Variants in BCAS3 observed in about 807,000 individuals in gnomAD.
BCAS3 encodes the protein BCAS4/BCAS3 fusion.
In BCAS3, 53 loss-of-function variants were observed where a neutral mutation model predicts 116.1. The ratio of observed to expected loss-of-function variants is 0.46; its 90% CI spans 0.37 to 0.57. BCAS3 has a LOEUF of 0.57. Among genes scored for constraint, BCAS3 ranks in the 20% least tolerant of loss-of-function variants. BCAS3 has a pLI of 0.00. For missense variants in BCAS3, 917 were observed against 1,165.4 expected (o/e 0.79, Z 3.10); for synonymous variants, 391 against 408.2 (o/e 0.96, Z 0.51).
Position 61,229,240 on chromosome 17 carries a change from A to G in BCAS3, c.2426-139087A>G, listed in dbSNP as rs900029133. Among the ~76,000 whole-genome samples the G allele has an allele frequency of 6.6e-6, 1 of 152,230 alleles. No individual in the cohort carries two copies. Among genetic ancestry groups the G allele is most frequent in the African/African-American group, 2.4e-5 (1 of 41,466 alleles). On this transcript the variant is annotated intron_variant, in intron 22 of 23. Coordinates refer to ENST00000407086, the MANE Select transcript of BCAS3 (RefSeq NM_017679.5). The surrounding 1 kb of genome is among the most constrained non-coding windows in gnomAD (Gnocchi z 4.4). ...GCAAGGCCCTACCTCTTTCAATTCT[A>G]TGAAGCTGAGAGAGGTGAGGAAGCT...
chr17:61,144,335 G>A lies in BCAS3; in HGVS notation c.2425+59771G>A, dbSNP rs1412259144. 6.6e-6 allele frequency among the ~76,000 whole-genome samples: 1 copy of A among 152,174 alleles called. No individual in the cohort carries two copies. The highest frequency in any genetic ancestry group is 1.5e-5 in the Non-Finnish European group (1 of 68,036). On this transcript the variant is annotated intron_variant, in intron 22 of 23. Transcript: ENST00000407086. The surrounding 1 kb of genome is among the most constrained non-coding windows in gnomAD (Gnocchi z 5.0). ...TCTCCTCCGAGTCTTCTACGTGTAT[G>A]TCTAGATACTATGACAGATCCAGTG... is the stretch of plus-strand genomic sequence containing the variant.
chr17:60,965,222 T>C (rs1322630752), intron 14 of BCAS3, among the ~76,000 whole-genome samples: 1 of 151,158 alleles, frequency 6.6e-6, no homozygotes, highest in Non-Finnish European at 1.5e-5. Context: ...TTTTGGTATA[T>C]TGAATTTTTT....
rs764818285 is a variant in BCAS3, at chr17:61,140,948, T to C, written c.2425+56384T>C. Among the ~76,000 whole-genome samples, 1 of 152,106 alleles carries C rather than the reference T, an allele frequency of 6.6e-6. No homozygotes were observed. The highest frequency in any genetic ancestry group is 1.5e-5 in the Non-Finnish European group (1 of 68,006). On this transcript the variant is annotated intron_variant, in intron 22 of 23. Coordinates refer to ENST00000407086, the MANE Select transcript of BCAS3 (RefSeq NM_017679.5). This position sits in a 1 kb window ranked among gnomAD's most constrained non-coding sequence, Gnocchi z 4.2. Reference sequence around the variant, plus strand: ...TGCTCTTTGTCCATTTGAGTGTTTTTTTTTTCCCCCAAAAGTATAATAGTG... The same window carrying C: ...TGCTCTTTGTCCATTTGAGTGTTTTCTTTTTCCCCCAAAAGTATAATAGTG...
intron 6 of BCAS3, among the ~76,000 whole-genome samples, chr17:60,771,431 A>G (rs534759416): frequency 4.6e-5 from 7 of 152,356 alleles, no homozygotes; most frequent in African/African-American, 1.4e-4. Flanking sequence ...AAAGACAGCA[A>G]TAGTCTACTT....
rs2055468806 is a variant in BCAS3 at position 61,323,330 on chromosome 17, G to A, written c.2426-44997G>A. 6.6e-6 allele frequency among the ~76,000 whole-genome samples: 1 copy of A among 152,114 alleles called. No homozygotes were observed. Among genetic ancestry groups the A allele is most frequent in the Admixed American group, 6.5e-5 (1 of 15,274 alleles). ...CACTGGTTGAATATGAATTTATGTG[G>A]AGCACTCAGCTACAACATGGAAATA... is the stretch of plus-strand genomic sequence containing the variant. On this transcript the variant is annotated intron_variant, in intron 22 of 23. Transcript: ENST00000407086. The surrounding 1 kb of genome is among the most constrained non-coding windows in gnomAD (Gnocchi z 4.6).
chr17:61,339,302 A>G lies in BCAS3; in HGVS notation c.2426-29025A>G, dbSNP rs373348929. 3.3e-5 allele frequency among the ~76,000 whole-genome samples: 5 copies of G among 152,326 alleles called. No individual in the cohort carries two copies. In the East Asian group the frequency reaches 5.8e-4, roughly 18 times the overall value. ...GTCACACCCAAAAGCCAATGAAGAA[A>G]GGGTTTTGGTTTGGTGAGTGCACTG... On this transcript the variant is annotated intron_variant, in intron 22 of 23. Transcript: ENST00000407086. The surrounding 1 kb of genome is among the most constrained non-coding windows in gnomAD (Gnocchi z 4.4).
intron 5 of BCAS3, among the ~76,000 whole-genome samples, chr17:60,741,972 A>G (rs568518918): frequency 2.0e-5 from 3 of 152,322 alleles, no homozygotes; most frequent in East Asian, 3.9e-4. Flanking sequence ...TCATACAACT[A>G]TATAAGGGAC....
Position 61,235,571 on chromosome 17 carries a change from C to T in BCAS3, c.2426-132756C>T, listed in dbSNP as rs1340238060. Among the ~76,000 whole-genome samples, 1 of 152,058 alleles carries T rather than the reference C, an allele frequency of 6.6e-6. No individual in the cohort carries two copies. Among genetic ancestry groups the T allele is most frequent in the Admixed American group, 6.5e-5 (1 of 15,272 alleles). ...TACAGTGAAATATGAGATTCCTGAG[C>T]CTTTAGTGGATGCTGAGCTGGAGAC... is the stretch of plus-strand genomic sequence containing the variant. On this transcript the variant is annotated intron_variant, in intron 22 of 23. Transcript: ENST00000407086. The surrounding 1 kb of genome is among the most constrained non-coding windows in gnomAD (Gnocchi z 5.0).
At chr17:61,359,337 C>G (rs766592229) in intron 22 of BCAS3, among the ~76,000 whole-genome samples, 12 of 151,856 alleles carry the variant, frequency 7.9e-5, no homozygotes, top group East Asian at 1.9e-4. Context: ...ATCTAATTGG[C>G]TTTTATTTGT....
At chr17:60,929,672 A>G (rs917157021) in intron 13 of BCAS3, among the ~76,000 whole-genome samples, 5 of 146,790 alleles carry the variant, frequency 3.4e-5, no homozygotes, top group African/African-American at 1.3e-4. Context: ...GCACCCATTA[A>G]CTCGTCATTT....
chr17:60,833,071 T>G (rs983756886), intron 7 of BCAS3, among the ~76,000 whole-genome samples: 1 of 152,212 alleles, frequency 6.6e-6, no homozygotes, highest in Admixed American at 6.5e-5. Context: ...CTCACTGTAT[T>G]GCCCAGGCTG....
intron 22 of BCAS3, among the ~76,000 whole-genome samples, chr17:61,350,045 A>G (rs1295795426): frequency 6.6e-6 from 1 of 152,244 alleles, no homozygotes; most frequent in Non-Finnish European, 1.5e-5. Flanking sequence ...TGCAGAGAGA[A>G]GGGACCTACT....
intron 14 of BCAS3, among the ~76,000 whole-genome samples, chr17:60,973,577 CTTA>C (rs941685932): frequency 7.3e-6 from 1 of 136,930 alleles, no homozygotes; most frequent in Admixed American, 7.0e-5. Context: ...TTGCTATTAC[CTTA>C]TTATTAATAT....
At chr17:60,777,518 C>T (rs867563598) in intron 6 of BCAS3, among the ~76,000 whole-genome samples, 84 of 152,048 alleles carry the variant, frequency 5.5e-4, no homozygotes, top group African/African-American at 3.1e-4. Context: ...CCCAGCTACT[C>T]GGGAGGCTGA....
At chr17:60,802,524 A>G (rs1386348940) in intron 6 of BCAS3, among the ~76,000 whole-genome samples, 2 of 152,006 alleles carry the variant, frequency 1.3e-5, no homozygotes, top group African/African-American at 2.4e-5. Context: ...TTTAATTTCT[A>G]TTGTGTTCTT....
chr17:61,114,655 C>T (rs1382033286), intron 22 of BCAS3, among the ~76,000 whole-genome samples: 3 of 152,014 alleles, frequency 2.0e-5, no homozygotes, highest in Non-Finnish European at 2.9e-5. Flanking sequence ...GTGAAAATGG[C>T]CATACTGCCC....
intron 6 of BCAS3, among the ~76,000 whole-genome samples, chr17:60,754,680 TACACACACACACACACACACACACAC>T (rs772900751): frequency 0.035 from 5,081 of 145,418 alleles, 341 homozygotes; most frequent in African/African-American, 0.13. Flanking sequence ...AAATTTAAAA[TACACACACACACACACACACACACAC>T]ACACACACAC....
chr17:61,125,464 A>G (rs2076002117), intron 22 of BCAS3, among the ~76,000 whole-genome samples: 1 of 152,190 alleles, frequency 6.6e-6, no homozygotes, highest in Admixed American at 6.5e-5. Flanking sequence ...TTATGCTATA[A>G]ACTATAAAAA....
Position 60,692,608 on chromosome 17 carries a change from C to G in BCAS3, c.214+2847C>G, listed in dbSNP as rs148521284. Among the ~76,000 whole-genome samples, 228 of 152,002 alleles carry G rather than the reference C, an allele frequency of 1.5e-3. 6 individuals are homozygous for G. Among genetic ancestry groups the G allele is most frequent in the African/African-American group, 3.7e-3 (155 of 41,378 alleles). On this transcript the variant is annotated intron_variant, in intron 4 of 23. Coordinates refer to ENST00000407086, the MANE Select transcript of BCAS3 (RefSeq NM_017679.5). ...ACAGGACTCCTTGGCCAGGTGCTCA[C>G]CTGTAGTCCCAGCTACTCAGGAGGC...
Sources: gnomAD v4.1 joint callset for allele counts (sites outside exome capture counted in the v4.1 genomes callset) on GRCh38, gnomAD v4.1.1 for gene constraint, Gnocchi (gnomAD v3.1) non-coding constraint, MANE v1.5 for transcripts, NCBI Gene and HGNC (gene_info 2026-07-23, HGNC 2026-07-21) for gene names.